ZNF385D: variants seen among roughly 807,000 people sequenced by gnomAD.
ZNF385D encodes zinc finger protein 659.
ZNF385D carries 15 observed loss-of-function variants against 35.8 expected under a neutral mutation model. That is an observed-to-expected ratio of 0.42 (90% CI 0.28 to 0.64). ZNF385D has a LOEUF of 0.64. ZNF385D is among the 30% of genes least tolerant of loss of function. ZNF385D has a pLI of 0.23. For synonymous variants in ZNF385D, 212 were observed against 186.8 expected (o/e 1.13, Z -1.10); for missense variants, 474 against 494.6 (o/e 0.96, Z 0.39).
chr3:22,070,819 A>C (rs2125562010), intron 3 of ZNF385D, among the ~76,000 whole-genome samples: 1 of 152,314 alleles, frequency 6.6e-6, no homozygotes, highest in South Asian at 2.1e-4. Flanking sequence ...CCAATGATAT[A>C]ATTTATAAAC....
chr3:22,033,590 G>T (rs1698139245), intron 3 of ZNF385D, among the ~76,000 whole-genome samples: 1 of 151,916 alleles, frequency 6.6e-6, no homozygotes, highest in African/African-American at 2.4e-5. Context: ...AGTGTTCAGT[G>T]TAACCACCCA....
intron 2 of ZNF385D, among the ~76,000 whole-genome samples, chr3:22,193,874 T>C (rs1334416087): frequency 1.3e-5 from 2 of 152,070 alleles, no homozygotes; most frequent in African/African-American, 2.4e-5. Context: ...AAAATGATTA[T>C]AACCGCTTTT....
intron 3 of ZNF385D, among the ~76,000 whole-genome samples, chr3:21,981,738 T>G (rs566896739): frequency 6.6e-6 from 1 of 152,318 alleles, no homozygotes; most frequent in Admixed American, 6.5e-5. Context: ...CTGATTTTTG[T>G]GTATGGTGTA....
At chr3:21,670,457 G>T (rs963728643) in intron 1 of ZNF385D, among the ~76,000 whole-genome samples, 1 of 151,640 alleles carries the variant, frequency 6.6e-6, no homozygotes, top group African/African-American at 2.4e-5. Context: ...CATACATGGA[G>T]AATTATTCAA....
rs548595138 is a variant in ZNF385D, at chr3:22,218,457, A to G, written c.107-49422T>C. Among the ~76,000 whole-genome samples the G allele has an allele frequency of 2.6e-5, 4 of 152,012 alleles. No homozygotes were observed. The South Asian group carries it at 6.2e-4, about 24-fold the overall frequency. On this transcript the variant is annotated intron_variant, in intron 2 of 5. Transcript: ENST00000494108. ...ACCCCTTGAATTTATATATAAATAT[A>G]TGTATATATATGTGTGTATATGTGT...
chr3:22,153,319 T>C (rs1024455914), intron 3 of ZNF385D, among the ~76,000 whole-genome samples: 1 of 152,084 alleles, frequency 6.6e-6, no homozygotes, highest in Non-Finnish European at 1.5e-5. Context: ...GTCTCACCAG[T>C]GGCCATTGTC....
intron 2 of ZNF385D, among the ~76,000 whole-genome samples, chr3:22,310,966 T>C (rs534528563): frequency 3.9e-4 from 60 of 152,046 alleles, no homozygotes; most frequent in African/African-American, 1.3e-3. Flanking sequence ...CATTAAATTT[T>C]ATGAAAAATT....
chr3:22,220,519 G>C (rs901878075), intron 2 of ZNF385D, among the ~76,000 whole-genome samples: 1 of 152,126 alleles, frequency 6.6e-6, no homozygotes, highest in Non-Finnish European at 1.5e-5. Context: ...AAAAGTCCTT[G>C]ATCATCTGAA....
At chr3:22,062,618 C>A (rs946588447) in intron 3 of ZNF385D, among the ~76,000 whole-genome samples, 2 of 152,034 alleles carry the variant, frequency 1.3e-5, no homozygotes, top group African/African-American at 4.8e-5. Flanking sequence ...AAATTCTGAC[C>A]CCCTCGCCCC....
intron 2 of ZNF385D, among the ~76,000 whole-genome samples, chr3:22,267,752 G>C (rs1187249258): frequency 6.6e-6 from 1 of 151,860 alleles, no homozygotes; most frequent in African/African-American, 2.4e-5. Flanking sequence ...GCTCTATTTG[G>C]ATTGCATTTC....
chr3:21,750,995 T>A lies in ZNF385D; in HGVS notation c.-79A>T. 1 of 1,611,772 alleles carries A rather than the reference T, an allele frequency of 6.2e-7. No homozygotes were observed. The highest frequency in any genetic ancestry group is 8.5e-7 in the Non-Finnish European group (1 of 1,179,130). On this transcript the variant is annotated 5_prime_UTR_variant, in exon 1 of 8. Transcript: ENST00000281523. ...AGGCTGGCACGTAGAGCAGAGCCCT[T>A]TCATGCTACATTCGGTGGAAATGTC... is the stretch of plus-strand genomic sequence containing the variant.
chr3:21,466,774 C>T (rs1703545089), intron 4 of ZNF385D, among the ~76,000 whole-genome samples: 1 of 152,190 alleles, frequency 6.6e-6, no homozygotes, highest in Non-Finnish European at 1.5e-5. Context: ...CTCTTCTCCT[C>T]CCTGCCTGAG....
chr3:22,287,830 A>G (rs1455905122), intron 2 of ZNF385D, among the ~76,000 whole-genome samples: 2 of 149,780 alleles, frequency 1.3e-5, no homozygotes, highest in African/African-American at 2.5e-5. Flanking sequence ...CTAAAAATTT[A>G]TTTACTTTTA....
At chr3:21,857,509 G>A (rs2125822774) in intron 3 of ZNF385D, among the ~76,000 whole-genome samples, 1 of 152,124 alleles carries the variant, frequency 6.6e-6, no homozygotes, top group South Asian at 2.1e-4. Context: ...CAAGGGATTT[G>A]TGGTACCCAG....
rs374961067 is a variant in ZNF385D at position 22,328,927 on chromosome 3, A to G, written c.106+43523T>C. 6.6e-4 allele frequency among the ~76,000 whole-genome samples: 101 copies of G among 151,932 alleles called. 2 individuals are homozygous for G. The East Asian group carries it at 0.019, about 29-fold the overall frequency. Reference sequence around the variant, plus strand: ...CGTCTCTACTAAAAATACAAAAAAAATTAGCTGGGCGTGGTAGCGGGCGCC... The same window carrying G: ...CGTCTCTACTAAAAATACAAAAAAAGTTAGCTGGGCGTGGTAGCGGGCGCC... On this transcript the variant is annotated intron_variant, in intron 2 of 5. Coordinates refer to the ZNF385D transcript ENST00000494108.
At chr3:22,155,077 ATATTAT>A (rs1311473862) in intron 3 of ZNF385D, among the ~76,000 whole-genome samples, 1 of 152,178 alleles carries the variant, frequency 6.6e-6, no homozygotes, top group Admixed American at 6.5e-5. Context: ...GACAATGACA[ATATTAT>A]TATTGACAGA....
intron 2 of ZNF385D, among the ~76,000 whole-genome samples, chr3:22,365,246 T>TTA (rs926938715): frequency 6.6e-6 from 1 of 152,030 alleles, no homozygotes; most frequent in Admixed American, 6.6e-5. Context: ...ACATTTCATA[T>TTA]TATATATATT....
chr3:21,828,064 C>A (rs546096037), intron 3 of ZNF385D, among the ~76,000 whole-genome samples: 1 of 152,256 alleles, frequency 6.6e-6, no homozygotes, highest in South Asian at 2.1e-4. Context: ...GTACTTACAA[C>A]TAAATCTATG....
In ZNF385D at chr3:22,097,864, G is replaced by A. The variant is rs145839013; in HGVS notation, c.325+70953C>T. On this transcript the variant is annotated intron_variant, in intron 3 of 5. Coordinates refer to the ZNF385D transcript ENST00000494108. Reference sequence around the variant, plus strand: ...TGATAAAGTGGCTTGGAGTCTTTACGGCCTTGACAGGAAGAGTAATAATAC... The same window carrying A: ...TGATAAAGTGGCTTGGAGTCTTTACAGCCTTGACAGGAAGAGTAATAATAC... Among the ~76,000 whole-genome samples the A allele has an allele frequency of 1.2e-3, 187 of 152,040 alleles. 1 individual carries two copies. Among genetic ancestry groups the A allele is most frequent in the South Asian group, 3.5e-3 (17 of 4,814 alleles).
Sources: gnomAD v4.1 joint callset for allele counts (sites outside exome capture counted in the v4.1 genomes callset) on GRCh38, gnomAD v4.1.1 for gene constraint, MANE v1.5 for transcripts, NCBI Gene and HGNC (gene_info 2026-07-23, HGNC 2026-07-21) for gene names.